Variants in NFIB observed in about 807,000 individuals in gnomAD.
NFIB encodes the protein nuclear factor I B.
Under a neutral mutation model 61.5 loss-of-function variants are expected in NFIB, and 11 were observed. The ratio of observed to expected loss-of-function variants is 0.18; its 90% CI spans 0.11 to 0.30. The LOEUF is 0.30. Ranked by LOEUF, NFIB falls within the 10% of genes least tolerant of loss-of-function variation. The pLI is 1.00. For missense variants in NFIB, 471 were observed against 608.9 expected (o/e 0.77, Z 2.38); for synonymous variants, 260 against 216.5 (o/e 1.20, Z -1.76).
At chr9:14,157,157 A>C (rs1335374384) in intron 3 of NFIB, among the ~76,000 whole-genome samples, 1 of 152,166 alleles carries the variant, frequency 6.6e-6, no homozygotes, top group African/African-American at 2.4e-5. Context: ...CCCCATGATA[A>C]GCATGTTACC....
intron 1 of NFIB, among the ~76,000 whole-genome samples, chr9:14,391,067 G>C (rs1031260421): frequency 6.6e-6 from 1 of 152,124 alleles, no homozygotes; most frequent in African/African-American, 2.4e-5. Flanking sequence ...CCCTCAAAAA[G>C]GTGGAATATA....
chr9:14,097,619 A>G (rs575660), intron 10 of NFIB, among the ~76,000 whole-genome samples: 41,844 of 152,054 alleles, frequency 0.28, 5,861 homozygotes, highest in South Asian at 0.38. Context: ...ATATACACAC[A>G]CACTACATAC....
the NFIB span, among the ~76,000 whole-genome samples, chr9:14,468,411 C>T: frequency 2.7e-4 from 41 of 152,100 alleles, no homozygotes; most frequent in African/African-American, 9.9e-4. Context: ...CAACATTTAG[C>T]GTAACATAAA....
At chr9:14,509,728 T>C in the NFIB span, among the ~76,000 whole-genome samples, 296 of 152,048 alleles carry the variant, frequency 1.9e-3, 3 homozygotes, top group African/African-American at 6.7e-3. Flanking sequence ...CAGGACAAAA[T>C]GGAGAAAGAT....
intron 10 of NFIB, among the ~76,000 whole-genome samples, chr9:14,088,974 C>A (rs1563772063): frequency 6.6e-6 from 1 of 152,052 alleles, no homozygotes; most frequent in Admixed American, 6.6e-5. Flanking sequence ...AATCATAGAA[C>A]CAAAATGGAA....
At chr9:14,336,037 A>T (rs2060882400) in intron 1 of NFIB, among the ~76,000 whole-genome samples, 1 of 152,118 alleles carries the variant, frequency 6.6e-6, no homozygotes. Context: ...ATTTGTCTTT[A>T]TCCATGTCAA....
chr9:14,524,421 A>T, the NFIB span, among the ~76,000 whole-genome samples: 1 of 152,216 alleles, frequency 6.6e-6, no homozygotes, highest in Non-Finnish European at 1.5e-5. Context: ...TGTACTGTTC[A>T]TCATGTGACC....
In NFIB at chr9:14,307,092, T is replaced by A; in HGVS notation, c.459A>T (p.Lys153Asn). The change falls in exon 2 of 11, where the codon AAA becomes AAT. Residue 153 changes from lysine to asparagine, a missense_variant. Physicochemically the swap from Lys to Asn is moderately conservative, Grantham distance 94. Transcript: ENST00000380953. The surrounding 1 kb of genome is among the most constrained non-coding windows in gnomAD (Gnocchi z 5.3). Reference sequence around the variant, plus strand: ...GTGCTGGGTTTGTGCAATGTGGGGATTTCATGAGCCGCTCTCCATCGGTAC... The same window carrying A: ...GTGCTGGGTTTGTGCAATGTGGGGAATTCATGAGCCGCTCTCCATCGGTAC... ...LESTDGERLM[K>N]SPHCTNPALC... 6.2e-7 allele frequency: 1 copy of A among 1,614,110 alleles called. No individual in the cohort carries two copies. Among genetic ancestry groups the A allele is most frequent in the Non-Finnish European group, 8.5e-7 (1 of 1,180,024 alleles).
chr9:14,352,674 G>T (rs1344405938), intron 1 of NFIB, among the ~76,000 whole-genome samples: 1 of 152,230 alleles, frequency 6.6e-6, no homozygotes, highest in Non-Finnish European at 1.5e-5. Flanking sequence ...TGGTCCTGAG[G>T]CAAGCCTCTA....
chr9:14,278,763 G>A (rs1361688378), intron 2 of NFIB, among the ~76,000 whole-genome samples: 1 of 152,224 alleles, frequency 6.6e-6, no homozygotes, highest in Non-Finnish European at 1.5e-5. Flanking sequence ...ACTGAAAAAC[G>A]AACTGGGGGA....
chr9:14,387,482 C>T lies in NFIB; in HGVS notation c.108+11042G>A, dbSNP rs113240276. Among the ~76,000 whole-genome samples the T allele has an allele frequency of 4.3e-3, 654 of 152,246 alleles. 4 individuals are homozygous for T. The highest frequency in any genetic ancestry group is 0.015 in the African/African-American group (618 of 41,526). On this transcript the variant is annotated intron_variant, in intron 1 of 8. Transcript: ENST00000380934. ...ATGCATATAACCTACACAATATTAG[C>T]ATCCAGAATACATACAGTCATTAAA...
intron 1 of NFIB, among the ~76,000 whole-genome samples, chr9:14,327,057 A>G (rs2060762384): frequency 6.6e-6 from 1 of 152,158 alleles, no homozygotes; most frequent in Non-Finnish European, 1.5e-5. Flanking sequence ...ATTTCAGGAT[A>G]TTTTATGCCA....
chr9:14,458,637 T>G, the NFIB span, among the ~76,000 whole-genome samples: 6 of 152,220 alleles, frequency 3.9e-5, no homozygotes, highest in African/African-American at 1.4e-4. Flanking sequence ...CAGCTCAAAA[T>G]CTTCTTAAGC....
At chr9:14,162,397 T>C (rs1414852837) in intron 3 of NFIB, among the ~76,000 whole-genome samples, 1 of 152,122 alleles carries the variant, frequency 6.6e-6, no homozygotes, top group East Asian at 1.9e-4. Context: ...TAACAGCATT[T>C]ATTGGTGTTA....
At chr9:14,507,965 C>A in the NFIB span, among the ~76,000 whole-genome samples, 4 of 131,114 alleles carry the variant, frequency 3.1e-5, no homozygotes, top group Non-Finnish European at 4.9e-5. Context: ...GACACAGACA[C>A]ACACAAACAC....
chr9:14,245,464 G>GA (rs1040061984), intron 2 of NFIB, among the ~76,000 whole-genome samples: 32 of 145,192 alleles, frequency 2.2e-4, no homozygotes, highest in South Asian at 1.3e-3. Context: ...AAACAAAACA[G>GA]AAAAAAAAAA....
intron 1 of NFIB, among the ~76,000 whole-genome samples, chr9:14,375,125 C>T (rs1037482628): frequency 2.6e-5 from 4 of 152,128 alleles, no homozygotes; most frequent in African/African-American, 9.7e-5. Flanking sequence ...TCTTAAACAT[C>T]CAAGACTTAT....
chr9:14,321,842 A>G (rs1016830453), intron 1 of NFIB: 3 of 1,217,056 alleles, frequency 2.5e-6, no homozygotes, highest in Non-Finnish European at 3.1e-6. Context: ...CCACTTTGCA[A>G]TCCACAAACA....
At chr9:14,445,717 T>C in the NFIB span, among the ~76,000 whole-genome samples, 1 of 152,206 alleles carries the variant, frequency 6.6e-6, no homozygotes, top group East Asian at 1.9e-4. Context: ...CATTGCTGGT[T>C]TGGTTTTATG....
Sources: gnomAD v4.1 joint callset for allele counts (sites outside exome capture counted in the v4.1 genomes callset) on GRCh38, gnomAD v4.1.1 for gene constraint, Gnocchi (gnomAD v3.1) non-coding constraint, MANE v1.5 for transcripts, NCBI Gene and HGNC (gene_info 2026-07-23, HGNC 2026-07-21) for gene names.